MAP3K1: variants seen among roughly 807,000 people sequenced by gnomAD.
MAP3K1 encodes the protein mitogen-activated protein kinase kinase kinase 1, also known as MAP/ERK kinase kinase 1.
Under a neutral mutation model 144.2 loss-of-function variants are expected in MAP3K1, and 36 were observed. That is an observed-to-expected ratio of 0.25 (90% CI 0.19 to 0.33). The LOEUF is 0.33. Ranked by LOEUF, MAP3K1 falls within the 10% of genes least tolerant of loss-of-function variation. MAP3K1 has a pLI of 1.00. For missense variants in MAP3K1, 1,650 were observed against 1,881.9 expected, an observed-to-expected ratio of 0.88 and a Z score of 2.28; for synonymous variants, 718 against 688.7, an observed-to-expected ratio of 1.04 and a Z score of -0.67.
chr5:56,858,230 G>T (rs1203885046), intron 2 of MAP3K1, among the ~76,000 whole-genome samples: 2 of 152,174 alleles, frequency 1.3e-5, no homozygotes, highest in African/African-American at 2.4e-5. Flanking sequence ...TTTAGATGGA[G>T]GTGTTCAAAC....
chr5:56,890,062 C>T (rs1748503401), intron 19 of MAP3K1, among the ~76,000 whole-genome samples: 1 of 152,154 alleles, frequency 6.6e-6, no homozygotes, highest in South Asian at 2.1e-4. Flanking sequence ...TCCAGATTCT[C>T]ATAGCATTTT....
chr5:56,891,882 C>G (rs1027597532), intron 19 of MAP3K1, among the ~76,000 whole-genome samples: 38 of 152,090 alleles, frequency 2.5e-4, no homozygotes, highest in African/African-American at 8.5e-4. Context: ...CTATTCTGTT[C>G]CATTGGTCTA....
rs1432892470 is a variant in MAP3K1, at chr5:56,881,761, G to A, written c.2561G>A (p.Arg854His). The A allele has an allele frequency of 8.7e-6, 14 of 1,613,886 alleles. No homozygotes were observed. Among genetic ancestry groups the A allele is most frequent in the African/African-American group, 2.7e-5 (2 of 74,860 alleles). The change falls in exon 14 of 20, where the codon CGC (arginine) becomes CAC (histidine). Residue 854 changes from arginine (R) to histidine (H), a missense_variant. Transcript: ENST00000399503. ...SSSTHFTRMR[R>H]RLMAIADEVE... The stretch of plus-strand genomic sequence containing the variant: ...TCCACTCACTTCACCAGGATGCGTC[G>A]CCGTTTGATGGCTATTGCAGATGAG...
Position 56,880,775 on chromosome 5 carries a change from G to A in MAP3K1, c.2152G>A (p.Ala718Thr), listed in dbSNP as rs1748181486. 1.2e-6 allele frequency: 2 copies of A among 1,613,610 alleles called. No individual in the cohort carries two copies. Among genetic ancestry groups the A allele is most frequent in the African/African-American group, 2.7e-5 (2 of 75,010 alleles). The change falls in exon 12 of 20, where the codon GCA becomes ACA. Residue 718 changes from alanine (A) to threonine (T), a missense_variant. Transcript: ENST00000399503. ...ELCKGQAGEL[A>T]VGREILKAGS... ...GTGCAAAGGCCAAGCAGGAGAGTTG[G>A]CAGTTGGCAGAGAAATACTAAAAGC...
chr5:56,893,547 C>G lies in MAP3K1; in HGVS notation c.4406C>G (p.Thr1469Ser). 6.2e-7 allele frequency: 1 copy of G among 1,613,972 alleles called. No homozygotes were observed. Among genetic ancestry groups the G allele is most frequent in the Non-Finnish European group, 8.5e-7 (1 of 1,179,860 alleles). The part of the protein sequence containing the change: ...ALIFKIASAT[T>S]APSIPSHLSP... ...TCTCCACAGATTGCTAGTGCAACTA[C>G]TGCTCCATCGATCCCTTCACATTTG... Residue 1469 changes from threonine (T) to serine (S), a missense_variant, in exon 20 of 20, where the codon ACT (threonine) becomes AGT (serine). Physicochemically the swap from Thr to Ser is moderately conservative, Grantham distance 58. Coordinates refer to ENST00000399503, the MANE Select transcript of MAP3K1 (RefSeq NM_005921.2).
At chr5:56,847,348 G>C (rs1160620933) in intron 1 of MAP3K1, among the ~76,000 whole-genome samples, 1 of 152,248 alleles carries the variant, frequency 6.6e-6, no homozygotes, top group Non-Finnish European at 1.5e-5. Context: ...TGTAATCCCA[G>C]TACTTCGGGA....
At chr5:56,849,092 A>T (rs1747085903) in intron 1 of MAP3K1, among the ~76,000 whole-genome samples, 1 of 152,208 alleles carries the variant, frequency 6.6e-6, no homozygotes, top group Non-Finnish European at 1.5e-5. Context: ...CATGCCTGTA[A>T]TTCTAGCACT....
intron 19 of MAP3K1, among the ~76,000 whole-genome samples, chr5:56,890,153 C>CT (rs951302016): frequency 2.0e-5 from 3 of 152,154 alleles, no homozygotes; most frequent in Non-Finnish European, 4.4e-5. Flanking sequence ...ACTAATTCTC[C>CT]TTGAGGTCCA....
At chr5:56,828,609 A>G (rs188272868) in intron 1 of MAP3K1, among the ~76,000 whole-genome samples, 1 of 152,352 alleles carries the variant, frequency 6.6e-6, no homozygotes, top group Non-Finnish European at 1.5e-5. Flanking sequence ...AAAGCGTAAT[A>G]ACTGCTAGGA....
intron 5 of MAP3K1, 145 bp downstream of exon 5, chr5:56,865,601 T>TTATAAATAGTG: frequency 2.9e-6 from 2 of 700,004 alleles, no homozygotes; most frequent in Admixed American, 5.1e-5. Context: ...TAAATAGTTC[T>TTATAAATAGTG]CATGAGATAT....
chr5:56,879,498 T>TA (rs1748141929), intron 11 of MAP3K1, among the ~76,000 whole-genome samples: 1 of 152,322 alleles, frequency 6.6e-6, no homozygotes, highest in East Asian at 1.9e-4. Context: ...ATTATCAGGA[T>TA]AAAAAATTAA....
At chr5:56,859,562 TAAAG>T in intron 2 of MAP3K1, 149 bp from the exon 3 acceptor site, 1 of 626,940 alleles carries the variant, frequency 1.6e-6, no homozygotes, top group South Asian at 2.1e-5. Flanking sequence ...ATTAATAGCT[TAAAG>T]TAATAATAAA....
intron 1 of MAP3K1, among the ~76,000 whole-genome samples, chr5:56,855,194 C>T (rs1747302611): frequency 6.6e-6 from 1 of 151,476 alleles, no homozygotes; most frequent in Non-Finnish European, 1.5e-5. Context: ...CTTCTTTCTC[C>T]TCCCTCCCTC....
intron 1 of MAP3K1, chr5:56,820,673 A>T (rs949224046): frequency 1.0e-6 from 1 of 985,286 alleles, no homozygotes; most frequent in Non-Finnish European, 1.2e-6. Flanking sequence ...GTAATCACAC[A>T]GGAAGAGAAA....
chr5:56,866,553 G>A (rs984733258), intron 6 of MAP3K1, among the ~76,000 whole-genome samples: 1 of 152,100 alleles, frequency 6.6e-6, no homozygotes, highest in Non-Finnish European at 1.5e-5. Context: ...TGCTTTATTG[G>A]TTTTAGTGTA....
At chr5:56,833,020 C>T (rs944040072) in intron 1 of MAP3K1, among the ~76,000 whole-genome samples, 1 of 152,030 alleles carries the variant, frequency 6.6e-6, no homozygotes, top group Non-Finnish European at 1.5e-5. Context: ...TACAGGCATG[C>T]ATCACCGCAC....
chr5:56,887,803 C>T, intron 18 of MAP3K1: 1 of 478,142 alleles, frequency 2.1e-6, no homozygotes, highest in South Asian at 2.2e-5. Context: ...ACTCAAAGTG[C>T]ACATAAGAAA....
At chr5:56,835,594 A>G (rs2591950) in intron 1 of MAP3K1, among the ~76,000 whole-genome samples, 151,814 of 152,026 alleles carry the variant, frequency 1, 75,802 homozygotes, top group Middle Eastern at 1. Flanking sequence ...GGGATGAAGG[A>G]GAGGTGCGGA....
Position 56,896,069 on chromosome 5 carries a change from T to G in MAP3K1, c.*2389T>G, listed in dbSNP as rs896380442. On this transcript the variant is annotated 3_prime_UTR_variant, in exon 20 of 20. Coordinates refer to ENST00000399503, the MANE Select transcript of MAP3K1 (RefSeq NM_005921.2). ...TATATTGAGATATTTTAATTAAAAT[T>G]TTTACCCCATTGAACCGATTTTATA... is the stretch of plus-strand genomic sequence containing the variant. 8.7e-6 allele frequency: 2 copies of G among 228,894 alleles called. No individual in the cohort carries two copies. Among genetic ancestry groups the G allele is most frequent in the Admixed American group, 1.1e-4 (2 of 17,664 alleles). The allele number at this position is 228,894 out of a possible 1,614,324, so 14.2% of individuals were successfully genotyped here.
Sources: allele counts gnomAD v4.1 joint callset (sites outside exome capture counted in the v4.1 genomes callset), GRCh38; gene constraint gnomAD v4.1.1; transcripts MANE v1.5; gene names NCBI Gene and HGNC (gene_info 2026-07-23, HGNC 2026-07-21).